PIP5K1B: variants seen among roughly 807,000 people sequenced by gnomAD.
PIP5K1B encodes phosphatidylinositol 4-phosphate 5-kinase type-1 beta.
PIP5K1B carries 42 observed loss-of-function variants against 67.0 expected under a neutral mutation model. The observed-to-expected ratio is 0.63, with a 90% CI of 0.49 to 0.81. The LOEUF is 0.81. Among genes scored for constraint, PIP5K1B ranks in the 30% least tolerant of loss-of-function variants. The probability of loss-of-function intolerance (pLI) is 0.00; values close to 1 mark genes in which losing one functional copy is unlikely to be tolerated. For synonymous variants in PIP5K1B, 214 were observed against 231.4 expected, an observed-to-expected ratio of 0.92 and a Z score of 0.68; for missense variants, 459 against 646.3, an observed-to-expected ratio of 0.71 and a Z score of 3.14.
intron 1 of PIP5K1B, among the ~76,000 whole-genome samples, chr9:68,708,346 G>A (rs1827221847): frequency 6.6e-6 from 1 of 152,150 alleles, no homozygotes; most frequent in African/African-American, 2.4e-5. Context: ...AACATATGCT[G>A]TAAAACATAG....
At chr9:68,813,255 C>G (rs1833262498) in intron 2 of PIP5K1B, among the ~76,000 whole-genome samples, 1 of 152,178 alleles carries the variant, frequency 6.6e-6, no homozygotes, top group East Asian at 1.9e-4. Flanking sequence ...GAGTGATGAG[C>G]AATGAACGTT....
intron 1 of PIP5K1B, among the ~76,000 whole-genome samples, chr9:68,710,539 A>G (rs1303054526): frequency 6.6e-6 from 1 of 152,178 alleles, no homozygotes; most frequent in Non-Finnish European, 1.5e-5. Flanking sequence ...TGTACATTCT[A>G]TTCTCAATTG....
chr9:68,789,613 A>C, intron 2 of PIP5K1B: 1 of 383,162 alleles, frequency 2.6e-6, no homozygotes, highest in South Asian at 2.2e-5. Context: ...ACACTTCTCC[A>C]GTGTTTCTCC....
rs1405531580 is a variant in PIP5K1B at position 68,936,896 on chromosome 9, T to G, written c.1357+1851T>G. On this transcript the variant is annotated intron_variant, in intron 13 of 15. Transcript: ENST00000265382. ...GTCTGGGAAATAGGATAAACTTATT[T>G]TAAAATTATATTAGTTTATTGATTT... Among the ~76,000 whole-genome samples, 3 of 152,130 alleles carry G rather than the reference T, an allele frequency of 2.0e-5. No individual in the cohort carries two copies. The East Asian group carries it at 5.8e-4, about 29-fold the overall frequency.
At chr9:68,892,666 T>C (rs1824856575) in intron 7 of PIP5K1B, among the ~76,000 whole-genome samples, 1 of 152,058 alleles carries the variant, frequency 6.6e-6, no homozygotes, top group Admixed American at 6.5e-5. Context: ...TGGAAGAAAA[T>C]AAAAGTTTAT....
intron 14 of PIP5K1B, among the ~76,000 whole-genome samples, chr9:68,968,323 C>T (rs1171914912): frequency 6.6e-6 from 1 of 152,098 alleles, no homozygotes; most frequent in Non-Finnish European, 1.5e-5. Context: ...AGTTCGAGAC[C>T]AACCTTGCCA....
chr9:68,829,213 G>C (rs1353215956), intron 4 of PIP5K1B, among the ~76,000 whole-genome samples: 1 of 152,204 alleles, frequency 6.6e-6, no homozygotes, highest in Non-Finnish European at 1.5e-5. Context: ...GGAGGGAAGA[G>C]GGGCTGGAGT....
chr9:68,859,964 T>C (rs1337697218), intron 4 of PIP5K1B, among the ~76,000 whole-genome samples: 2 of 152,206 alleles, frequency 1.3e-5, no homozygotes, highest in East Asian at 3.8e-4. Flanking sequence ...ACATGATGTT[T>C]TGAAATATGT....
intron 6 of PIP5K1B, among the ~76,000 whole-genome samples, chr9:68,884,315 C>A (rs898305932): frequency 9.3e-5 from 14 of 150,874 alleles, no homozygotes; most frequent in Middle Eastern, 3.2e-3. Context: ...AAACTAATAA[C>A]CCTATTTAAA....
intron 2 of PIP5K1B, among the ~76,000 whole-genome samples, chr9:68,792,289 A>G (rs754272951): frequency 6.6e-6 from 1 of 152,218 alleles, no homozygotes; most frequent in Non-Finnish European, 1.5e-5. Context: ...TGAGTAGATG[A>G]ATTAATAGAT....
rs558810934 is a variant in PIP5K1B at position 68,735,316 on chromosome 9, C to CTTTTTTTTTTTTTTTTTTTTTTT, written c.-242-7179_-242-7157dup. ...CAGATTTGCTGTTTTCCCCTAGTGTCTTTTTTTTTTTTTTTTTTTTTTTTT... is the reference window on the plus strand; with the variant it reads ...CAGATTTGCTGTTTTCCCCTAGTGTCTTTTTTTTTTTTTTTTTTTTTTTTTTTTTTTTTTTTTTTTTTTTTTTT... On this transcript the variant is annotated intron_variant, in intron 1 of 15. Coordinates refer to ENST00000265382, the MANE Select transcript of PIP5K1B (RefSeq NM_003558.4). Among the ~76,000 whole-genome samples the CTTTTTTTTTTTTTTTTTTTTTTT allele has an allele frequency of 9.4e-4, 28 of 29,806 alleles. 6 individuals carry two copies. The highest frequency in any genetic ancestry group is 1.5e-3 in the South Asian group (1 of 680). 19.6% of individuals were successfully genotyped at this position (29,806 alleles called of 152,430 possible).
At chr9:68,829,330 C>T (rs559644437) in intron 4 of PIP5K1B, among the ~76,000 whole-genome samples, 1 of 152,278 alleles carries the variant, frequency 6.6e-6, no homozygotes, top group South Asian at 2.1e-4. Flanking sequence ...TCATGAATAG[C>T]AGCTATGCTG....
Position 68,923,732 on chromosome 9 carries a change from AG to A in PIP5K1B, c.1201+347del, listed in dbSNP as rs1456571556. 3.9e-5 allele frequency among the ~76,000 whole-genome samples: 6 copies of A among 152,350 alleles called. No homozygotes were observed. The South Asian group carries it at 1.2e-3, about 32-fold the overall frequency. On this transcript the variant is annotated intron_variant, in intron 12 of 15. Transcript: ENST00000265382. ...TGTATTTACCTTTTATGTAGTTATC[AG>A]TCTGTATACCTTAAATGCACAGCAG...
Position 68,920,359 on chromosome 9 carries a change from C to CTTTTTTTTTTTTTTTTTTTTTTTTTTTTT in PIP5K1B, c.1116+656_1116+657insTTTTTTTTTTTTTTTTTTTTTTTTTTTTT, listed in dbSNP as rs5898051. Among the ~76,000 whole-genome samples, 11 of 98,372 alleles carry CTTTTTTTTTTTTTTTTTTTTTTTTTTTTT rather than the reference C, an allele frequency of 1.1e-4. 4 individuals carry two copies. The highest frequency in any genetic ancestry group is 1.5e-4 in the African/African-American group (4 of 27,490). The allele number at this position is 98,372 out of a possible 152,430, so 64.5% of individuals were successfully genotyped here. ...ATACATGCTGGCTGCCTGAGGTTGT[C>CTTTTTTTTTTTTTTTTTTTTTTTTTTTTT]TTTTTTTTTTTTTTTTTTTTTTTTT... On this transcript the variant is annotated intron_variant, in intron 11 of 15. Transcript: ENST00000265382.
At chr9:68,764,127 C>G (rs1036695762) in intron 2 of PIP5K1B, among the ~76,000 whole-genome samples, 1 of 104,714 alleles carries the variant, frequency 9.5e-6, no homozygotes, top group Admixed American at 1.3e-4. Context: ...TTTCAGCATG[C>G]TTTCAGGAGA....
chr9:68,984,283 A>G (rs1452994683), intron 14 of PIP5K1B, among the ~76,000 whole-genome samples: 2 of 152,226 alleles, frequency 1.3e-5, no homozygotes, highest in African/African-American at 2.4e-5. Context: ...CTGCCTGTTA[A>G]TGCTTTCTCA....
chr9:68,817,420 A>G (rs926858175), intron 2 of PIP5K1B, among the ~76,000 whole-genome samples: 1 of 152,244 alleles, frequency 6.6e-6, no homozygotes, highest in Non-Finnish European at 1.5e-5. Context: ...AACATTAAAG[A>G]TGTTTGAATA....
At chr9:68,805,998 G>T (rs1832855358) in intron 2 of PIP5K1B, among the ~76,000 whole-genome samples, 2 of 152,194 alleles carry the variant, frequency 1.3e-5, no homozygotes, top group African/African-American at 4.8e-5. Context: ...TCCACAGTCT[G>T]ATTAAATTGC....
intron 15 of PIP5K1B, among the ~76,000 whole-genome samples, chr9:68,996,344 C>G (rs1830600347): frequency 6.6e-6 from 1 of 152,190 alleles, no homozygotes; most frequent in African/African-American, 2.4e-5. Context: ...TCTAGTTATT[C>G]TGCATGGCTT....
Sources: allele counts gnomAD v4.1 joint callset (sites outside exome capture counted in the v4.1 genomes callset), GRCh38; gene constraint gnomAD v4.1.1; transcripts MANE v1.5; gene names NCBI Gene and HGNC (gene_info 2026-07-23, HGNC 2026-07-21).